Variants in FAM178B observed in about 807,000 individuals in gnomAD.
FAM178B encodes the protein family with sequence similarity 178 member B, also known as protein FAM178B.
FAM178B carries 82 observed loss-of-function variants against 91.7 expected under a neutral mutation model. That is an observed-to-expected ratio of 0.89 (90% CI 0.75 to 1.07). The LOEUF is 1.07. Among genes scored for constraint, FAM178B ranks in the 50% least tolerant of loss-of-function variants. FAM178B has a pLI of 0.00. For synonymous variants in FAM178B, 368 were observed against 359.4 expected (o/e 1.02, Z -0.27); for missense variants, 769 against 846.7 (o/e 0.91, Z 1.14).
Position 96,951,385 on chromosome 2 carries a change from C to T in FAM178B, c.987G>A (p.Leu329=). 1.3e-6 allele frequency: 2 copies of T among 1,550,568 alleles called. No individual in the cohort carries two copies. Among genetic ancestry groups the T allele is most frequent in the Non-Finnish European group, 1.7e-6 (2 of 1,146,132 alleles). Reference sequence around the variant, plus strand: ...GCAGGCCTGCGGTCCTCACCTGGAACAGCCACTGGAGCAGGGATACCGGGC... The same window carrying T: ...GCAGGCCTGCGGTCCTCACCTGGAATAGCCACTGGAGCAGGGATACCGGGC... ...PDCPVSLLQW[L]FQLLTWPPET... Residue 329 remains leucine, a synonymous_variant, in exon 7 of 17, where the codon CTG becomes CTA. Coordinates refer to ENST00000490605, the MANE Select transcript of FAM178B (RefSeq NM_001122646.3).
chr2:96,914,603 C>G (rs1430799377), intron 12 of FAM178B, among the ~76,000 whole-genome samples: 4 of 152,120 alleles, frequency 2.6e-5, no homozygotes. Flanking sequence ...AAATACCCAC[C>G]AAGGGCTGGG....
At position 96,929,142 on chromosome 2, in the gene FAM178B, G is replaced by C. The variant is rs573490517; in HGVS notation, c.1193+64C>G. 149 of 1,158,812 alleles carry C rather than the reference G, an allele frequency of 1.3e-4. No individual in the cohort carries two copies. The African/African-American group carries it at 2.2e-3, about 17-fold the overall frequency. The allele number at this position is 1,158,812 out of a possible 1,614,324, so 71.8% of individuals were successfully genotyped here. On this transcript the variant is annotated intron_variant, in intron 9 of 16. Coordinates refer to ENST00000490605, the MANE Select transcript of FAM178B (RefSeq NM_001122646.3). ...CCCTGTATTCCAGTTCTGAGTGACA[G>C]AGAGAGACCCTGTCTCTTAAAAAAT...
chr2:96,960,367 G>A lies in FAM178B; in HGVS notation c.808C>T (p.Pro270Ser). ...ATGCATGGCAGGGGGTGACACCTGG[G>A]CAGAAACACAGTCTCACCTGGATGG... ...PVHPGETVFL[P>S]RCHPLPCILD... Residue 270 changes from proline (P) to serine (S), a missense_variant, in exon 6 of 17, where the codon CCC becomes TCC. By Grantham distance (74) the Pro-to-Ser change is moderately conservative. Coordinates refer to ENST00000490605, the MANE Select transcript of FAM178B (RefSeq NM_001122646.3). 1 of 1,551,872 alleles carries A rather than the reference G, an allele frequency of 6.4e-7. No individual in the cohort carries two copies. The highest frequency in any genetic ancestry group is 8.7e-7 in the Non-Finnish European group (1 of 1,147,020).
chr2:96,876,175 T>C lies in FAM178B; in HGVS notation c.*101A>G, dbSNP rs1005924937. ...TCTTGCCTCATCAGGCTGGTCAGCA[T>C]GTGGCCTCCTCTGGCCTTGATGCTT... On this transcript the variant is annotated 3_prime_UTR_variant, in exon 17 of 17. Transcript: ENST00000490605. 7 of 1,243,734 alleles carry C rather than the reference T, an allele frequency of 5.6e-6. No individual in the cohort carries two copies. Among genetic ancestry groups the C allele is most frequent in the Admixed American group, 4.0e-5 (2 of 49,636 alleles). 77.0% of individuals were successfully genotyped at this position (1,243,734 alleles called of 1,614,324 possible).
intron 6 of FAM178B, among the ~76,000 whole-genome samples, chr2:96,955,195 G>A (rs146250916): frequency 0.021 from 3,196 of 152,146 alleles, 121 homozygotes; most frequent in African/African-American, 0.073. Context: ...GTGAAACCCC[G>A]TCTCTACTAA....
intron 1 of FAM178B, among the ~76,000 whole-genome samples, chr2:96,984,359 A>G (rs2153376685): frequency 6.6e-6 from 1 of 152,324 alleles, no homozygotes; most frequent in Middle Eastern, 3.4e-3. Context: ...AGCATCTTCT[A>G]TGTGTCAGGC....
chr2:96,942,431 C>T (rs188913197), intron 8 of FAM178B, among the ~76,000 whole-genome samples: 7 of 152,312 alleles, frequency 4.6e-5, no homozygotes, highest in African/African-American at 9.6e-5. Flanking sequence ...CTCGCTCTGT[C>T]GCCCAGGCTG....
rs1415989262 is a variant in FAM178B at position 96,947,906 on chromosome 2, G to C, written c.994-4C>G. 6.6e-7 allele frequency: 1 copy of C among 1,517,322 alleles called. No individual in the cohort carries two copies. Among genetic ancestry groups the C allele is most frequent in the East Asian group, 2.5e-5 (1 of 40,786 alleles). 94.0% of individuals were successfully genotyped at this position (1,517,322 alleles called of 1,614,324 possible). On this transcript the variant is annotated splice_polypyrimidine_tract_variant and splice_region_variant and intron_variant, in intron 7 of 16. Coordinates refer to ENST00000490605, the MANE Select transcript of FAM178B (RefSeq NM_001122646.3). ...TTTCTGGAGGCCATGTCAGCAGCTA[G>C]GTGGAAAAAAAAAACAAAAACAAAA...
At chr2:96,884,975 G>C (rs1200900264) in intron 14 of FAM178B, among the ~76,000 whole-genome samples, 1 of 152,220 alleles carries the variant, frequency 6.6e-6, no homozygotes, top group Non-Finnish European at 1.5e-5. Flanking sequence ...CTAACCTAGG[G>C]TCCCAGAAGA....
At chr2:96,924,351 CT>C (rs2081398422) in intron 9 of FAM178B, among the ~76,000 whole-genome samples, 1 of 152,186 alleles carries the variant, frequency 6.6e-6, no homozygotes, top group South Asian at 2.1e-4. Context: ...CAAAACATCC[CT>C]GAAAACCCCC....
rs2082336173 is a variant in FAM178B, at chr2:96,979,635, C to T, written c.73+6606G>A. Among the ~76,000 whole-genome samples the T allele has an allele frequency of 2.6e-5, 4 of 152,268 alleles. No homozygotes were observed. The South Asian group carries it at 6.2e-4, about 24-fold the overall frequency. On this transcript the variant is annotated intron_variant, in intron 1 of 16. Coordinates refer to ENST00000490605, the MANE Select transcript of FAM178B (RefSeq NM_001122646.3). The stretch of plus-strand genomic sequence containing the variant: ...TTTGATATAACAATTTATCTTCCTT[C>T]AGGAAGATACCCAGTAGTGGGATTG...
At chr2:96,900,135 C>T (rs1011355426) in intron 13 of FAM178B, among the ~76,000 whole-genome samples, 5 of 152,146 alleles carry the variant, frequency 3.3e-5, no homozygotes, top group Non-Finnish European at 7.3e-5. Context: ...ACCTGTGTCG[C>T]GCCCCCTCTG....
intron 1 of FAM178B, among the ~76,000 whole-genome samples, chr2:96,980,448 A>C (rs2082347261): frequency 6.6e-6 from 1 of 152,224 alleles, no homozygotes; most frequent in African/African-American, 2.4e-5. Context: ...CCCAGGCTGG[A>C]GTGCAGTGGT....
intron 12 of FAM178B, among the ~76,000 whole-genome samples, chr2:96,918,436 G>A (rs1160566350): frequency 6.6e-6 from 1 of 152,168 alleles, no homozygotes; most frequent in East Asian, 1.9e-4. Context: ...TCAGGGAAAT[G>A]AAAATTAGAA....
chr2:96,929,361 G>A lies in FAM178B; in HGVS notation c.1079-41C>T, dbSNP rs199585761. On this transcript the variant is annotated intron_variant, in intron 8 of 16. Coordinates refer to ENST00000490605, the MANE Select transcript of FAM178B (RefSeq NM_001122646.3). ...GGAGCAGAGAGTTAGAATGGGGAAC[G>A]GAGGGCAGGGTGCACCACTCCCACT... 2.8e-3 allele frequency: 3,891 copies of A among 1,411,614 alleles called. 11 individuals are homozygous for A. Among genetic ancestry groups the A allele is most frequent in the Middle Eastern group, 6.7e-3 (38 of 5,706 alleles). The allele number at this position is 1,411,614 out of a possible 1,614,324, so 87.4% of individuals were successfully genotyped here.
chr2:96,940,254 G>C (rs1254577198), intron 8 of FAM178B, among the ~76,000 whole-genome samples: 1 of 152,168 alleles, frequency 6.6e-6, no homozygotes, highest in Non-Finnish European at 1.5e-5. Context: ...ATGGGGTCCA[G>C]GGCCCAGGCA....
chr2:96,946,986 C>T (rs1559089541), intron 8 of FAM178B, among the ~76,000 whole-genome samples: 2 of 152,332 alleles, frequency 1.3e-5, no homozygotes, highest in East Asian at 3.9e-4. Context: ...GCTGGGGGCT[C>T]ATGGTACATC....
chr2:96,979,448 C>T (rs948607290), intron 1 of FAM178B, among the ~76,000 whole-genome samples: 5 of 151,602 alleles, frequency 3.3e-5, no homozygotes, highest in Admixed American at 1.3e-4. Flanking sequence ...GTAATCTGCC[C>T]GCCTTAGCCT....
Position 96,903,031 on chromosome 2 carries a change from CTTATT to C in FAM178B, c.1563-329_1563-325del, listed in dbSNP as rs536160571. On this transcript the variant is annotated intron_variant, in intron 12 of 16. Coordinates refer to ENST00000490605, the MANE Select transcript of FAM178B (RefSeq NM_001122646.3). ...CCATAGAGGCAGCAGCACTGAACTG[CTTATT>C]TTATTTTATTTTATTTTTTTTGAGA... 3.8e-3 allele frequency among the ~76,000 whole-genome samples: 546 copies of C among 144,594 alleles called. 1 individual carries two copies. The highest frequency in any genetic ancestry group is 5.0e-3 in the Non-Finnish European group (335 of 66,702). The allele number at this position is 144,594 out of a possible 152,430, so 94.9% of individuals were successfully genotyped here. A position where few individuals can be genotyped will look rare whatever the true frequency, so the allele number is the denominator to read the frequency against.
Sources: gnomAD v4.1 joint callset for allele counts (sites outside exome capture counted in the v4.1 genomes callset) on GRCh38, gnomAD v4.1.1 for gene constraint, MANE v1.5 for transcripts, NCBI Gene and HGNC (gene_info 2026-07-23, HGNC 2026-07-21) for gene names.